FLVCR1: variants seen among roughly 807,000 people sequenced by gnomAD.
The protein encoded by FLVCR1 is choline/ethanolamine transporter FLVCR1.
In FLVCR1, 34 loss-of-function variants were observed where a neutral mutation model predicts 53.6. That is an observed-to-expected ratio of 0.63 (90% CI 0.48 to 0.84). FLVCR1 has a LOEUF of 0.84. Among genes scored for constraint, FLVCR1 ranks in the 40% least tolerant of loss-of-function variants. The probability of loss-of-function intolerance (pLI) is 0.00; values close to 1 mark genes in which losing one functional copy is unlikely to be tolerated. For synonymous variants in FLVCR1, 300 were observed against 286.3 expected, an observed-to-expected ratio of 1.05 and a Z score of -0.48; for missense variants, 677 against 696.7, an observed-to-expected ratio of 0.97 and a Z score of 0.32.
At position 212,865,485 on chromosome 1, in the gene FLVCR1, A is replaced by ATTTTTTTTTTTTTT. The variant is rs58544929; in HGVS notation, c.883+1618_883+1631dup. On this transcript the variant is annotated intron_variant, in intron 2 of 9. Coordinates refer to ENST00000366971, the MANE Select transcript of FLVCR1 (RefSeq NM_014053.4). ...AATGGACCTTCCATTTGCAATAGGG[A>ATTTTTTTTTTTTTT]TTTTTTTTTTTTTTTGAGACAGAGT... Among the ~76,000 whole-genome samples, 69 of 133,682 alleles carry ATTTTTTTTTTTTTT rather than the reference A, an allele frequency of 5.2e-4. 5 individuals are homozygous for ATTTTTTTTTTTTTT. The highest frequency in any genetic ancestry group is 1.5e-3 in the African/African-American group (50 of 33,474). 87.7% of individuals were successfully genotyped at this position (133,682 alleles called of 152,430 possible). A position where few individuals can be genotyped will look rare whatever the true frequency, so the allele number is the denominator to read the frequency against.
chr1:212,878,805 G>A (rs528531743), intron 3 of FLVCR1, among the ~76,000 whole-genome samples: 3 of 152,032 alleles, frequency 2.0e-5, no homozygotes, highest in African/African-American at 7.2e-5. Flanking sequence ...CCTAGGCAAT[G>A]TGGCAAAACC....
At chr1:212,862,141 T>A (rs573344408) in intron 1 of FLVCR1, among the ~76,000 whole-genome samples, 14 of 151,368 alleles carry the variant, frequency 9.2e-5, no homozygotes, top group African/African-American at 3.4e-4. Context: ...TTCTTGTGAT[T>A]ATGATATTTA....
intron 3 of FLVCR1, among the ~76,000 whole-genome samples, chr1:212,874,715 G>A (rs1456844903): frequency 6.6e-6 from 1 of 151,550 alleles, no homozygotes; most frequent in Non-Finnish European, 1.5e-5. Flanking sequence ...TTTTAGTAGA[G>A]GCGGGGTTTC....
chr1:212,898,026 A>T lies in FLVCR1; in HGVS notation c.*2736A>T, dbSNP rs997058317. On this transcript the variant is annotated 3_prime_UTR_variant, in exon 10 of 10. Transcript: ENST00000366971. ...TAAAGAATTTGACTAAGAATCAGGAACTCTGTGTCCATGTCCTGGATGTAT... is the reference window on the plus strand; with the variant it reads ...TAAAGAATTTGACTAAGAATCAGGATCTCTGTGTCCATGTCCTGGATGTAT... 6.6e-6 allele frequency: 1 copy of T among 151,706 alleles called. No individual in the cohort carries two copies. Among genetic ancestry groups the T allele is most frequent in the Non-Finnish European group, 1.5e-5 (1 of 67,962 alleles). 9.4% of individuals were successfully genotyped at this position (151,706 alleles called of 1,614,324 possible). A position where few individuals can be genotyped will look rare whatever the true frequency, so the allele number is the denominator to read the frequency against.
intron 8 of FLVCR1, among the ~76,000 whole-genome samples, chr1:212,894,398 C>G (rs2102576185): frequency 6.6e-6 from 1 of 152,184 alleles, no homozygotes; most frequent in East Asian, 1.9e-4. Context: ...TGTGATCCAC[C>G]CACCTCGGCC....
rs1314013434 is a variant in FLVCR1 at position 212,858,574 on chromosome 1, G to T, written c.122G>T (p.Gly41Val). The change falls in exon 1 of 10, where the codon GGG (glycine) becomes GTG (valine). Residue 41 changes from glycine to valine, a missense_variant. Gly to Val is a moderately radical substitution (Grantham distance 109). Transcript: ENST00000366971. ...AAGGAGAGCGTGGAGCTGCAGAACG[G>T]GCCCAAAGCGGGCACCTTCCCGGTG... ...VGKESVELQN[G>V]PKAGTFPVNG... 6.7e-7 allele frequency: 1 copy of T among 1,494,948 alleles called. No individual in the cohort carries two copies. The highest frequency in any genetic ancestry group is 8.9e-7 in the Non-Finnish European group (1 of 1,122,276). The allele number at this position is 1,494,948 out of a possible 1,614,324, so 92.6% of individuals were successfully genotyped here. A position where few individuals can be genotyped will look rare whatever the true frequency, so the allele number is the denominator to read the frequency against.
At chr1:212,894,454 T>C (rs1490469298) in intron 8 of FLVCR1, among the ~76,000 whole-genome samples, 2 of 152,148 alleles carry the variant, frequency 1.3e-5, no homozygotes, top group Non-Finnish European at 2.9e-5. Context: ...CGCCCAGCAA[T>C]ATTCACTCTT....
In FLVCR1 at chr1:212,882,693, C is replaced by G. The variant is rs1285171202; in HGVS notation, c.1025-678C>G. 3.3e-5 allele frequency among the ~76,000 whole-genome samples: 5 copies of G among 151,916 alleles called. No individual in the cohort carries two copies. The East Asian group carries it at 7.7e-4, about 23-fold the overall frequency. ...GCTTAATTTAGGTTAAGAGTCTTAC[C>G]TAAATTCATACAATACATGCTAGGA... On this transcript the variant is annotated intron_variant, in intron 3 of 9. Transcript: ENST00000366971.
At chr1:212,888,437 T>C (rs1665112040) in intron 6 of FLVCR1, 52 bp from the exon 7 acceptor site, 13 of 1,201,036 alleles carry the variant, frequency 1.1e-5, no homozygotes, top group Non-Finnish European at 1.6e-5. Flanking sequence ...CATCAGTATG[T>C]GATTGTGACT....
At chr1:212,861,235 T>C (rs1209781586) in intron 1 of FLVCR1, among the ~76,000 whole-genome samples, 1 of 152,228 alleles carries the variant, frequency 6.6e-6, no homozygotes, top group African/African-American at 2.4e-5. Flanking sequence ...TTATAGTTTC[T>C]CACAAGGTCG....
chr1:212,865,262 A>G (rs1343417209), intron 2 of FLVCR1, among the ~76,000 whole-genome samples: 1 of 149,412 alleles, frequency 6.7e-6, no homozygotes, highest in Non-Finnish European at 1.5e-5. Flanking sequence ...TATATCTCCT[A>G]ATGCTATCCC....
At chr1:212,865,375 C>T (rs982553151) in intron 2 of FLVCR1, among the ~76,000 whole-genome samples, 7 of 150,836 alleles carry the variant, frequency 4.6e-5, no homozygotes, top group East Asian at 1.9e-4. Context: ...TGAGAGCATG[C>T]GGTAAAAACA....
intron 2 of FLVCR1, among the ~76,000 whole-genome samples, chr1:212,872,014 C>T (rs41296734): frequency 5.9e-5 from 9 of 152,318 alleles, no homozygotes; most frequent in Admixed American, 2.6e-4. Context: ...AGATGATAAA[C>T]TTTATATCAC....
chr1:212,867,143 C>T (rs1180179655), intron 2 of FLVCR1, among the ~76,000 whole-genome samples: 1 of 152,192 alleles, frequency 6.6e-6, no homozygotes, highest in Non-Finnish European at 1.5e-5. Flanking sequence ...TAAATTGATA[C>T]TCAGCAGTCT....
chr1:212,890,845 G>C (rs1665173359), intron 8 of FLVCR1, among the ~76,000 whole-genome samples: 1 of 152,116 alleles, frequency 6.6e-6, no homozygotes, highest in Non-Finnish European at 1.5e-5. Context: ...AGACATTTTG[G>C]ATATACACAA....
intron 7 of FLVCR1, among the ~76,000 whole-genome samples, chr1:212,888,909 C>T (rs1040315767): frequency 2.0e-5 from 3 of 152,012 alleles, no homozygotes; most frequent in East Asian, 1.9e-4. Flanking sequence ...AGGCTGGTCT[C>T]GGACTCCTGG....
intron 8 of FLVCR1, 110 bp from the exon 9 acceptor site, chr1:212,894,873 TATC>T (rs1390751861): frequency 1.7e-5 from 13 of 777,862 alleles, no homozygotes; most frequent in Non-Finnish European, 2.6e-5. Flanking sequence ...TGCTATTAAA[TATC>T]ATGACACTAC....
rs756375276 is a variant in FLVCR1, at chr1:212,889,189, C to T, written c.1457C>T (p.Ser486Leu). Reference protein sequence around the residue: ...LFTLAQGKLTSDYGPKAGNIF... With the variant: ...LFTLAQGKLTLDYGPKAGNIF... ...ACATTGGCTCAAGGAAAGCTCACAT[C>T]AGACTATGGTCCTAAGGCAGGGAAC... is the stretch of plus-strand genomic sequence containing the variant. The change falls in exon 8 of 10, where the codon TCA becomes TTA. Residue 486 changes from serine to leucine, a missense_variant. By Grantham distance (145) the Ser-to-Leu change is moderately radical. Transcript: ENST00000366971. 1.2e-5 allele frequency: 19 copies of T among 1,613,826 alleles called. No homozygotes were observed. In the Middle Eastern group the frequency reaches 6.6e-4, roughly 56 times the overall value.
At chr1:212,878,564 AC>A (rs1664834351) in intron 3 of FLVCR1, among the ~76,000 whole-genome samples, 1 of 151,328 alleles carries the variant, frequency 6.6e-6, no homozygotes, top group Non-Finnish European at 1.5e-5. Context: ...ATACAAGAGA[AC>A]CTAGAGACAA....
Sources: gnomAD v4.1 joint callset for allele counts (sites outside exome capture counted in the v4.1 genomes callset) on GRCh38, gnomAD v4.1.1 for gene constraint, MANE v1.5 for transcripts, NCBI Gene and HGNC (gene_info 2026-07-23, HGNC 2026-07-21) for gene names.